MEI4: variants seen among roughly 807,000 people sequenced by gnomAD.
MEI4 encodes meiotic double-stranded break formation protein 4.
A neutral mutation model predicts 31.4 loss-of-function variants in MEI4; 27 were observed. The ratio of observed to expected loss-of-function variants is 0.86; its 90% CI spans 0.63 to 1.19. The LOEUF (loss-of-function observed/expected upper bound fraction) is 1.19. Among genes scored for constraint, MEI4 ranks in the 50% most tolerant of loss-of-function variants. The pLI is 0.00. For synonymous variants in MEI4, 122 were observed against 145.4 expected (o/e 0.84, Z 1.16); for missense variants, 329 against 398.9 (o/e 0.82, Z 1.49).
At chr6:77,843,536 A>T (rs1770412656) in intron 4 of MEI4, among the ~76,000 whole-genome samples, 1 of 77,910 alleles carries the variant, frequency 1.3e-5, no homozygotes, top group Non-Finnish European at 3.4e-5. Context: ...AGACAAATTA[A>T]AAAAAAAAAA....
intron 2 of MEI4, among the ~76,000 whole-genome samples, chr6:77,727,116 C>T (rs1464767135): frequency 6.6e-6 from 1 of 152,116 alleles, no homozygotes; most frequent in East Asian, 1.9e-4. Context: ...GGGAGAGGGT[C>T]TCTCAGATGT....
intron 4 of MEI4, among the ~76,000 whole-genome samples, chr6:77,918,327 G>T (rs1766616098): frequency 7.0e-6 from 1 of 142,648 alleles, no homozygotes; most frequent in Admixed American, 7.1e-5. Context: ...AGCTTGATGG[G>T]GATGGCATTG....
At chr6:77,690,551 T>C (rs1025048055) in intron 1 of MEI4, 107 bp from the exon 2 acceptor site, 20 of 486,456 alleles carry the variant, frequency 4.1e-5, no homozygotes, top group South Asian at 3.4e-4. Flanking sequence ...CAAGTCTTAT[T>C]ATAAACTTAT....
chr6:77,659,546 G>A (rs12177704), intron 1 of MEI4, among the ~76,000 whole-genome samples: 1,679 of 152,244 alleles, frequency 0.011, 32 homozygotes, highest in African/African-American at 0.038. Context: ...ATGAGAAAAC[G>A]TTGAGTATCT....
rs767507050 is a variant in MEI4 at position 77,820,046 on chromosome 6, C to A, written c.769-8885C>A. Among the ~76,000 whole-genome samples the A allele has an allele frequency of 6.6e-6, 1 of 151,844 alleles. No individual in the cohort carries two copies. The highest frequency in any genetic ancestry group is 2.4e-5 in the African/African-American group (1 of 41,360). ...TTATAAGCTTTCTGAGGACCTAAAT[C>A]TTATTTTTTTCTGAATGGTTTTCCT... On this transcript the variant is annotated intron_variant, in intron 3 of 4. Coordinates refer to ENST00000684080, the MANE Select transcript of MEI4 (RefSeq NM_001322247.2). This position sits in a 1 kb window ranked among gnomAD's most constrained non-coding sequence, Gnocchi z 4.5.
Position 77,847,119 on chromosome 6 carries a change from T to C in MEI4, c.900+18057T>C, listed in dbSNP as rs1770508074. ...GGGAATATTGTTTTTTTTTGGTGAG[T>C]TAATGAAAAATTGAAAATGAGTTTA... On this transcript the variant is annotated intron_variant, in intron 4 of 4. Coordinates refer to ENST00000684080, the MANE Select transcript of MEI4 (RefSeq NM_001322247.2). The surrounding 1 kb of genome is among the most constrained non-coding windows in gnomAD (Gnocchi z 4.6). 6.6e-6 allele frequency among the ~76,000 whole-genome samples: 1 copy of C among 151,938 alleles called. No individual in the cohort carries two copies. Among genetic ancestry groups the C allele is most frequent in the Admixed American group, 6.6e-5 (1 of 15,236 alleles).
intron 2 of MEI4, among the ~76,000 whole-genome samples, chr6:77,746,759 C>T: frequency 6.6e-6 from 1 of 151,870 alleles, no homozygotes; most frequent in East Asian, 1.9e-4. Flanking sequence ...AGTGCTTTCA[C>T]TGTATGTGGA....
intron 4 of MEI4, among the ~76,000 whole-genome samples, chr6:77,859,860 AGAGT>A (rs1770828088): frequency 6.6e-6 from 1 of 152,210 alleles, no homozygotes; most frequent in Non-Finnish European, 1.5e-5. Context: ...CACCAGTAGC[AGAGT>A]ACTTCTGATC....
At chr6:77,781,759 GC>G (rs1768602516) in intron 3 of MEI4, among the ~76,000 whole-genome samples, 2 of 152,042 alleles carry the variant, frequency 1.3e-5, no homozygotes, top group Admixed American at 1.3e-4. Flanking sequence ...GCCCAGACAG[GC>G]CTACTTAAGA....
chr6:77,836,103 C>T (rs1376013907), intron 4 of MEI4, among the ~76,000 whole-genome samples: 1 of 151,906 alleles, frequency 6.6e-6, no homozygotes, highest in Non-Finnish European at 1.5e-5. Context: ...CCTCAAGATG[C>T]ATGTTTTTTG....
chr6:77,909,187 G>C (rs11753686), intron 4 of MEI4, among the ~76,000 whole-genome samples: 41,825 of 151,892 alleles, frequency 0.28, 5,975 homozygotes, highest in East Asian at 0.36. Flanking sequence ...CTAGAACTCA[G>C]GATTAAGAAA....
intron 3 of MEI4, among the ~76,000 whole-genome samples, chr6:77,801,752 C>G (rs1249400421): frequency 6.6e-6 from 1 of 152,138 alleles, no homozygotes; most frequent in African/African-American, 2.4e-5. Flanking sequence ...TATTCAGGAG[C>G]AGGTTGTTCA....
At chr6:77,707,738 TG>T (rs1046035935) in intron 2 of MEI4, among the ~76,000 whole-genome samples, 51 of 152,298 alleles carry the variant, frequency 3.3e-4, no homozygotes, top group African/African-American at 1.1e-3. Flanking sequence ...TGCATCACCT[TG>T]GGAAGCTACT....
intron 2 of MEI4, among the ~76,000 whole-genome samples, chr6:77,705,730 T>C (rs989484681): frequency 6.6e-6 from 1 of 152,222 alleles, no homozygotes; most frequent in African/African-American, 2.4e-5. Flanking sequence ...ATTTTTCTTA[T>C]ATTACAAGTC....
At chr6:77,836,934 G>T (rs1237171359) in intron 4 of MEI4, among the ~76,000 whole-genome samples, 1 of 152,048 alleles carries the variant, frequency 6.6e-6, no homozygotes, top group African/African-American at 2.4e-5. Flanking sequence ...AAGAACTTAA[G>T]AGAAATTCTG....
chr6:77,796,345 A>G (rs879465874), intron 3 of MEI4, among the ~76,000 whole-genome samples: 2 of 152,182 alleles, frequency 1.3e-5, no homozygotes, highest in African/African-American at 4.8e-5. Flanking sequence ...TATTCAGCAT[A>G]TCAATGGAGG....
At chr6:77,879,863 A>G (rs1250821585) in intron 4 of MEI4, among the ~76,000 whole-genome samples, 1 of 152,198 alleles carries the variant, frequency 6.6e-6, no homozygotes, top group African/African-American at 2.4e-5. Flanking sequence ...CTCAGAATCC[A>G]TATCTGATCC....
Position 77,763,837 on chromosome 6 carries a change from C to T in MEI4, c.768+2172C>T, listed in dbSNP as rs573437597. ...GTTGGGAGACTTTTTTTTTTCTAGA[C>T]GGAGTCTCACTCTGTCACCAGGTTG... On this transcript the variant is annotated intron_variant, in intron 3 of 4. Transcript: ENST00000684080. 1.3e-3 allele frequency among the ~76,000 whole-genome samples: 200 copies of T among 151,654 alleles called. 1 individual carries two copies. Among genetic ancestry groups the T allele is most frequent in the African/African-American group, 4.6e-3 (189 of 41,348 alleles).
At chr6:77,741,775 C>A (rs1352991858) in intron 2 of MEI4, among the ~76,000 whole-genome samples, 1 of 113,392 alleles carries the variant, frequency 8.8e-6, no homozygotes. Context: ...CCCCCTCCCC[C>A]CACCCCACAA....
Sources: gnomAD v4.1 joint callset for allele counts (sites outside exome capture counted in the v4.1 genomes callset) on GRCh38, gnomAD v4.1.1 for gene constraint, Gnocchi (gnomAD v3.1) non-coding constraint, MANE v1.5 for transcripts, NCBI Gene and HGNC (gene_info 2026-07-23, HGNC 2026-07-21) for gene names.